DAP3: variants seen among roughly 807,000 people sequenced by gnomAD.
The protein encoded by DAP3 is death associated protein 3, also known as small ribosomal subunit protein mS29.
Under a neutral mutation model 51.9 loss-of-function variants are expected in DAP3, and 28 were observed. The observed-to-expected ratio is 0.54, with a 90% CI of 0.40 to 0.74. The LOEUF is 0.74. Ranked by LOEUF, DAP3 falls within the 30% of genes least tolerant of loss-of-function variation. The pLI, the probability that DAP3 is intolerant of heterozygous loss-of-function variation, is 0.00. For synonymous variants in DAP3, 170 were observed against 170.3 expected (o/e 1.00, Z 0.01); for missense variants, 458 against 483.5 (o/e 0.95, Z 0.49).
chr1:155,718,026 T>C (rs982410148), intron 3 of DAP3, among the ~76,000 whole-genome samples: 1 of 152,262 alleles, frequency 6.6e-6, no homozygotes, highest in Middle Eastern at 3.4e-3. Context: ...ATATAGTCTG[T>C]GTGGAAAGAA....
chr1:155,729,628 A>G (rs1658987006), intron 9 of DAP3, among the ~76,000 whole-genome samples: 1 of 152,060 alleles, frequency 6.6e-6, no homozygotes, highest in Admixed American at 6.6e-5. Context: ...AAAAATAAGA[A>G]ATTAGCCGGT....
intron 1 of DAP3, among the ~76,000 whole-genome samples, chr1:155,698,852 G>A (rs778391692): frequency 1.9e-4 from 29 of 152,166 alleles, no homozygotes; most frequent in Non-Finnish European, 3.2e-4. Context: ...TTCTCCAAGT[G>A]CCCCGCTCAC....
At chr1:155,714,029 A>T (rs1048647295) in intron 2 of DAP3, among the ~76,000 whole-genome samples, 1 of 152,184 alleles carries the variant, frequency 6.6e-6, no homozygotes, top group Admixed American at 6.6e-5. Context: ...TTGAGGCTTG[A>T]TGAATGGGAA....
chr1:155,729,236 A>G lies in DAP3; in HGVS notation c.713A>G (p.Asp238Gly). ...QGITRVRNAT[D>G]AVGIVLKELK... ...ATAACACGGGTGAGGAACGCCACAG[A>G]TGCAGTTGGAATTGTGCTGAAAGAG... Residue 238 changes from aspartate to glycine, a missense_variant, in exon 9 of 13, where the codon GAT (aspartate) becomes GGT (glycine). Transcript: ENST00000368336. 1.9e-6 allele frequency: 3 copies of G among 1,614,200 alleles called. No individual in the cohort carries two copies. Among genetic ancestry groups the G allele is most frequent in the Non-Finnish European group, 2.5e-6 (3 of 1,180,046 alleles).
At chr1:155,710,569 A>G (rs1656572234) in intron 2 of DAP3, 1 of 152,048 alleles carries the variant, frequency 6.6e-6, no homozygotes, top group Non-Finnish European at 1.5e-5. Context: ...GAATTCTAAG[A>G]TGCCTCATTT....
chr1:155,688,176 C>T (rs1433285083), upstream of DAP3: 1 of 1,613,884 alleles, frequency 6.2e-7, no homozygotes, highest in African/African-American at 1.3e-5. Context: ...TCCCGCTTGT[C>T]AGGAGGCGGC....
In DAP3 at chr1:155,715,528, AAGAGAG is replaced by A. The variant is rs5777953; in HGVS notation, c.46-1462_46-1457del. 2.5e-3 allele frequency among the ~76,000 whole-genome samples: 377 copies of A among 150,332 alleles called. 2 individuals are homozygous for A. The highest frequency in any genetic ancestry group is 1.8e-3 in the Non-Finnish European group (121 of 67,562). On this transcript the variant is annotated intron_variant, in intron 2 of 12. Coordinates refer to ENST00000368336, the MANE Select transcript of DAP3 (RefSeq NM_004632.4). Reference sequence around the variant, plus strand: ...CAGAGCAAGACCCTGTCTTAAAAAAAAGAGAGAGAGAGAGAGAGAGAAGCTGCTTGG... The same window carrying A: ...CAGAGCAAGACCCTGTCTTAAAAAAAAGAGAGAGAGAGAGAAGCTGCTTGG...
At chr1:155,689,021 CG>C (rs780180211), upstream of DAP3, 1 of 1,585,190 alleles carries the variant, frequency 6.3e-7, no homozygotes, top group Non-Finnish European at 8.6e-7. Context: ...GCCCCTCTGC[CG>C]GCCGGTGGTT....
chr1:155,728,122 T>C (rs1375020753), intron 7 of DAP3, among the ~76,000 whole-genome samples: 1 of 152,182 alleles, frequency 6.6e-6, no homozygotes, highest in East Asian at 1.9e-4. Context: ...ATACCCTGTC[T>C]AGACCAGGGG....
chr1:155,719,703 G>A (rs762712932), intron 3 of DAP3, among the ~76,000 whole-genome samples: 3 of 151,130 alleles, frequency 2.0e-5, no homozygotes, highest in African/African-American at 7.3e-5. Flanking sequence ...GCCTGCCACC[G>A]TGCCTGGCTA....
chr1:155,697,540 C>CTTT (rs1654694106), intron 1 of DAP3, among the ~76,000 whole-genome samples: 1 of 152,016 alleles, frequency 6.6e-6, no homozygotes, highest in African/African-American at 2.4e-5. Flanking sequence ...AGCCGCAAAA[C>CTTT]CAGCAAGTTT....
At chr1:155,702,826 C>T (rs1215905219) in intron 1 of DAP3, among the ~76,000 whole-genome samples, 4 of 151,984 alleles carry the variant, frequency 2.6e-5, no homozygotes, top group East Asian at 3.9e-4. Context: ...AAAAATTAGC[C>T]AGGCGTGGTG....
chr1:155,688,702 C>T, upstream of DAP3: 1 of 1,520,862 alleles, frequency 6.6e-7, no homozygotes, highest in Non-Finnish European at 8.8e-7. Flanking sequence ...CCTCTTCTCT[C>T]CTCCCCCTCC....
At chr1:155,701,034 C>T (rs1343478595) in intron 1 of DAP3, among the ~76,000 whole-genome samples, 19 of 131,552 alleles carry the variant, frequency 1.4e-4, no homozygotes, top group African/African-American at 5.5e-4. Flanking sequence ...GGCCAGCCGC[C>T]CCCTCCGGGA....
chr1:155,692,460 T>C (rs1653958680), intron 1 of DAP3, among the ~76,000 whole-genome samples: 1 of 141,844 alleles, frequency 7.1e-6, no homozygotes, highest in South Asian at 2.1e-4. Context: ...ATCTTCCGCA[T>C]CTGCAGACTA....
At chr1:155,692,161 C>A (rs954453059) in intron 1 of DAP3, among the ~76,000 whole-genome samples, 1 of 141,762 alleles carries the variant, frequency 7.1e-6, no homozygotes, top group Non-Finnish European at 1.5e-5. Context: ...TAGGAGCCTG[C>A]ATATCTAGCC....
chr1:155,723,377 G>A (rs1658214792), intron 4 of DAP3, among the ~76,000 whole-genome samples: 1 of 152,090 alleles, frequency 6.6e-6, no homozygotes, highest in South Asian at 2.1e-4. Context: ...CGCCCAGGCT[G>A]GAATGCAGTG....
chr1:155,717,182 G>T (rs1177145615), intron 3 of DAP3, 54 bp downstream of exon 3: 1 of 1,583,388 alleles, frequency 6.3e-7, no homozygotes, highest in Non-Finnish European at 8.6e-7. Context: ...TTGTGTTCCT[G>T]TCCTCATTTT....
intron 2 of DAP3, chr1:155,710,090 A>G (rs1656506706): frequency 3.1e-6 from 1 of 327,086 alleles, no homozygotes. Context: ...TCCCTTAATG[A>G]AGTATTTAAA....
Sources: allele counts gnomAD v4.1 joint callset (sites outside exome capture counted in the v4.1 genomes callset), GRCh38; gene constraint gnomAD v4.1.1; transcripts MANE v1.5; gene names NCBI Gene and HGNC (gene_info 2026-07-23, HGNC 2026-07-21).